Variants in ARHGEF28 observed in about 807,000 individuals in gnomAD.
ARHGEF28 encodes 190 kDa guanine nucleotide exchange factor.
A neutral mutation model predicts 206.6 loss-of-function variants in ARHGEF28; 152 were observed. The observed-to-expected ratio is 0.74, with a 90% CI of 0.64 to 0.84. The LOEUF (loss-of-function observed/expected upper bound fraction) is 0.84. Among genes scored for constraint, ARHGEF28 ranks in the 40% least tolerant of loss-of-function variants. The probability of loss-of-function intolerance (pLI) is 0.00; values close to 1 mark genes in which losing one functional copy is unlikely to be tolerated. For missense variants in ARHGEF28, 2,028 were observed against 2,073.2 expected, an observed-to-expected ratio of 0.98 and a Z score of 0.42; for synonymous variants, 763 against 776.4, an observed-to-expected ratio of 0.98 and a Z score of 0.29.
intron 10 of ARHGEF28, among the ~76,000 whole-genome samples, chr5:73,836,933 G>A (rs1199081926): frequency 6.6e-6 from 1 of 151,976 alleles, no homozygotes; most frequent in African/African-American, 2.4e-5. Context: ...TCTCTGTTGT[G>A]TATTTTTAGC....
chr5:73,849,240 C>A (rs1183546429), intron 13 of ARHGEF28, 153 bp downstream of exon 13: 3 of 588,404 alleles, frequency 5.1e-6, no homozygotes, highest in Admixed American at 7.4e-5. Context: ...AAATTCTTTT[C>A]TTATTGGATA....
intron 1 of ARHGEF28, among the ~76,000 whole-genome samples, chr5:73,675,470 C>T (rs577625143): frequency 3.3e-5 from 5 of 151,942 alleles, no homozygotes; most frequent in East Asian, 1.9e-4. Context: ...TGGTGGCTCA[C>T]GCCTGTAATC....
Position 73,832,376 on chromosome 5 carries a change from TC to T in ARHGEF28, c.1064del (p.Ser355Ter), listed in dbSNP as rs1433375283. ...TATCCTAAAAAAATCCAAGCCGCCC[TC>T]GACATTGCTTGCTGCAGGCCGGCTT... The part of the protein sequence containing the change: ...FDILKKSKPP[S>X]TLLAAGRLSD... On this transcript the variant is annotated frameshift_variant, in exon 10 of 36. Coordinates refer to ENST00000513042, the MANE Select transcript of ARHGEF28 (RefSeq NM_001177693.2). LOFTEE classifies it high-confidence loss of function. 1 of 1,612,662 alleles carries T rather than the reference TC, an allele frequency of 6.2e-7. No homozygotes were observed. Among genetic ancestry groups the T allele is most frequent in the African/African-American group, 1.3e-5 (1 of 74,918 alleles).
intron 7 of ARHGEF28, among the ~76,000 whole-genome samples, chr5:73,786,944 A>C (rs1754197071): frequency 6.6e-6 from 1 of 152,178 alleles, no homozygotes; most frequent in East Asian, 1.9e-4. Flanking sequence ...AGGGTGCAGC[A>C]CTTCCCTCTG....
intron 1 of ARHGEF28, among the ~76,000 whole-genome samples, chr5:73,639,110 C>A (rs193068768): frequency 6.9e-6 from 1 of 145,308 alleles, no homozygotes; most frequent in African/African-American, 2.6e-5. Flanking sequence ...GGCCCTAGCA[C>A]GTAGGATTTT....
intron 22 of ARHGEF28, among the ~76,000 whole-genome samples, chr5:73,880,205 C>CAA (rs1760823754): frequency 6.6e-6 from 1 of 152,198 alleles, no homozygotes; most frequent in Admixed American, 6.5e-5. Flanking sequence ...ATCAGCGAGA[C>CAA]TCCGTGGGTG....
At chr5:73,802,854 C>A (rs888697089) in intron 9 of ARHGEF28, among the ~76,000 whole-genome samples, 4 of 146,842 alleles carry the variant, frequency 2.7e-5, no homozygotes, top group Admixed American at 1.4e-4. Flanking sequence ...GGATAATTGG[C>A]CAGCAAGCTC....
chr5:73,779,211 G>T (rs1220764932), intron 6 of ARHGEF28, among the ~76,000 whole-genome samples: 1 of 152,174 alleles, frequency 6.6e-6, no homozygotes, highest in Non-Finnish European at 1.5e-5. Context: ...ATGGAAGGTG[G>T]TGCTAAATAT....
chr5:73,940,372 C>G (rs1260362702), intron 35 of ARHGEF28, among the ~76,000 whole-genome samples: 3 of 152,130 alleles, frequency 2.0e-5, no homozygotes, highest in African/African-American at 7.2e-5. Flanking sequence ...GGGTCTCCTT[C>G]ATTCTTTCAC....
At chr5:73,830,324 C>T (rs890119793) in intron 9 of ARHGEF28, among the ~76,000 whole-genome samples, 24 of 151,968 alleles carry the variant, frequency 1.6e-4, no homozygotes, top group Non-Finnish European at 1.5e-4. Flanking sequence ...GAGGCCGAGG[C>T]GGCTGGATCA....
At chr5:73,836,523 G>C (rs931939374) in intron 10 of ARHGEF28, among the ~76,000 whole-genome samples, 2 of 151,810 alleles carry the variant, frequency 1.3e-5, no homozygotes, top group African/African-American at 4.8e-5. Context: ...GTTTGTTTTT[G>C]CTATTGAGTT....
At chr5:73,863,561 C>T (rs1162905148) in intron 16 of ARHGEF28, among the ~76,000 whole-genome samples, 1 of 151,994 alleles carries the variant, frequency 6.6e-6, no homozygotes, top group Non-Finnish European at 1.5e-5. Flanking sequence ...TTTTCCTCTC[C>T]TCCTGCAGGC....
intron 2 of ARHGEF28, among the ~76,000 whole-genome samples, chr5:73,714,424 G>A (rs939321228): frequency 6.6e-6 from 1 of 152,170 alleles, no homozygotes; most frequent in Non-Finnish European, 1.5e-5. Flanking sequence ...TCCCCGGGAG[G>A]CACTAAAGAA....
In ARHGEF28 at chr5:73,885,895, T is replaced by C; in HGVS notation, c.3101T>C (p.Ile1034Thr). Residue 1034 changes from isoleucine (I) to threonine (T), a missense_variant, in exon 25 of 36, where the codon ATT becomes ACT. Ile to Thr is a moderately conservative substitution (Grantham distance 89). This residue lies in a region of ARHGEF28 where 223 missense variants were observed against 289.9 expected (regional missense o/e 0.77). Coordinates refer to ENST00000513042, the MANE Select transcript of ARHGEF28 (RefSeq NM_001177693.2). ...GACTTACGCAAAGCGCTTTGCTTAA[T>C]TAAAGACATGATTGCAACAGTGGAT... ...HKDLRKALCLIKDMIATVDLK... is the reference protein window; with the variant it reads ...HKDLRKALCLTKDMIATVDLK... The C allele has an allele frequency of 6.2e-7, 1 of 1,613,696 alleles. No individual in the cohort carries two copies. Among genetic ancestry groups the C allele is most frequent in the South Asian group, 1.1e-5 (1 of 91,012 alleles).
intron 9 of ARHGEF28, chr5:73,813,429 A>G: frequency 1.4e-6 from 2 of 1,387,036 alleles, no homozygotes; most frequent in South Asian, 3.2e-5. Flanking sequence ...AGGAAGCAAA[A>G]CATTTATTGC....
chr5:73,662,694 A>G (rs1745689348), intron 1 of ARHGEF28, among the ~76,000 whole-genome samples: 1 of 152,216 alleles, frequency 6.6e-6, no homozygotes, highest in African/African-American at 2.4e-5. Context: ...ATTAAATTAT[A>G]ATGTAAGCTA....
rs780467552 is a variant in ARHGEF28, at chr5:73,898,086, G to A, written c.3966G>A (p.Pro1322=). 16 of 1,611,256 alleles carry A rather than the reference G, an allele frequency of 9.9e-6. No homozygotes were observed. The highest frequency in any genetic ancestry group is 3.3e-5 in the South Asian group (3 of 90,220). Residue 1322 remains proline (P), a synonymous_variant, in exon 30 of 36, where the codon CCG becomes CCA. Coordinates refer to ENST00000513042, the MANE Select transcript of ARHGEF28 (RefSeq NM_001177693.2). ...GTTCTCATGATGTACCAGGATCACC[G>A]ACTGCCTGTAAGTGAAAATGCAGGC... The part of the protein sequence containing the change: ...TLSSHDVPGS[P]TASLVTGGRE...
intron 2 of ARHGEF28, among the ~76,000 whole-genome samples, chr5:73,745,719 T>C (rs1445104782): frequency 6.6e-6 from 1 of 152,012 alleles, no homozygotes; most frequent in South Asian, 2.1e-4. Context: ...TATTTTTTAT[T>C]TGGGCATGAT....
intron 35 of ARHGEF28, chr5:73,923,179 G>A: frequency 6.5e-7 from 1 of 1,533,698 alleles, no homozygotes; most frequent in Admixed American, 2.0e-5. Flanking sequence ...TACTGCAAGG[G>A]GGGTGCTTAG....
Sources: allele counts gnomAD v4.1 joint callset (sites outside exome capture counted in the v4.1 genomes callset), GRCh38; gene constraint gnomAD v4.1.1; regional missense constraint gnomAD v4.1.1; transcripts MANE v1.5; gene names NCBI Gene and HGNC (gene_info 2026-07-23, HGNC 2026-07-21).